The following TNS3 variants were observed in gnomAD, a reference collection of about 807,000 sequenced individuals.
The protein encoded by TNS3 is tensin 3.
In TNS3, 45 loss-of-function variants were observed where a neutral mutation model predicts 140.9. The observed-to-expected ratio is 0.32, with a 90% CI of 0.25 to 0.41. The LOEUF is 0.41. TNS3 is among the 10% of genes least tolerant of loss of function. The pLI is 1.00. For synonymous variants in TNS3, 815 were observed against 788.4 expected (o/e 1.03, Z -0.56); for missense variants, 1,716 against 1,906.7 (o/e 0.90, Z 1.86).
intron 4 of TNS3, among the ~76,000 whole-genome samples, chr7:47,445,430 T>C (rs1437600435): frequency 6.6e-6 from 1 of 152,206 alleles, no homozygotes; most frequent in African/African-American, 2.4e-5. Flanking sequence ...ACAGTTAAGC[T>C]GCAGTAGCAC....
chr7:47,388,210 C>G (rs1792183036), intron 16 of TNS3, among the ~76,000 whole-genome samples: 1 of 152,032 alleles, frequency 6.6e-6, no homozygotes, highest in Non-Finnish European at 1.5e-5. Flanking sequence ...GAATAAGGAC[C>G]AAACCCTCAT....
At chr7:47,401,493 G>T (rs1421500276) in intron 13 of TNS3, among the ~76,000 whole-genome samples, 2 of 152,340 alleles carry the variant, frequency 1.3e-5, no homozygotes, top group African/African-American at 4.8e-5. Context: ...GACAGAGAGG[G>T]TGTTGGCATT....
intron 24 of TNS3, among the ~76,000 whole-genome samples, chr7:47,294,614 G>A (rs750882488): frequency 6.6e-5 from 10 of 152,162 alleles, no homozygotes; most frequent in Non-Finnish European, 1.2e-4. Flanking sequence ...TAATATTTCT[G>A]GTGTTGGAAA....
At chr7:47,321,227 G>A (rs936046742) in intron 20 of TNS3, among the ~76,000 whole-genome samples, 17 of 152,164 alleles carry the variant, frequency 1.1e-4, no homozygotes, top group East Asian at 3.9e-4. Flanking sequence ...TAAGGTTTCC[G>A]ATTCATACCA....
At chr7:47,284,945 C>T (rs758030903) in intron 27 of TNS3, among the ~76,000 whole-genome samples, 1 of 152,240 alleles carries the variant, frequency 6.6e-6, no homozygotes, top group Non-Finnish European at 1.5e-5. Flanking sequence ...GCCTTTAAGT[C>T]TGACTTTTCA....
chr7:47,411,981 G>T (rs1186260081), intron 12 of TNS3, among the ~76,000 whole-genome samples, 179 bp from the exon 13 acceptor site: 3 of 152,126 alleles, frequency 2.0e-5, no homozygotes, highest in Non-Finnish European at 4.4e-5. Context: ...AAGCTCCCAG[G>T]CCATGGAGGG....
intron 28 of TNS3, among the ~76,000 whole-genome samples, chr7:47,281,193 C>T (rs991210957): frequency 6.6e-6 from 1 of 152,236 alleles, no homozygotes; most frequent in Non-Finnish European, 1.5e-5. Context: ...TAAGGAAGGA[C>T]TCCACATGGT....
intron 2 of TNS3, among the ~76,000 whole-genome samples, chr7:47,513,701 G>A (rs1798683039): frequency 6.6e-6 from 1 of 152,230 alleles, no homozygotes. Flanking sequence ...GACATTCCAT[G>A]CAAGTAGGCT....
intron 4 of TNS3, among the ~76,000 whole-genome samples, chr7:47,476,782 A>G (rs1007075421): frequency 6.6e-6 from 1 of 152,212 alleles, no homozygotes; most frequent in African/African-American, 2.4e-5. Flanking sequence ...ACTGGCTCCC[A>G]GGAAGCTCCA....
chr7:47,389,057 GA>G (rs1562674883), intron 16 of TNS3, among the ~76,000 whole-genome samples: 9 of 69,768 alleles, frequency 1.3e-4, no homozygotes, highest in South Asian at 7.7e-4. Context: ...AGAAGAAGAA[GA>G]AGAAGAAGAA....
intron 16 of TNS3, among the ~76,000 whole-genome samples, chr7:47,389,766 T>G (rs923750160): frequency 2.6e-5 from 4 of 152,244 alleles, no homozygotes; most frequent in African/African-American, 4.8e-5. Flanking sequence ...CTGTTTGGTC[T>G]GCGATCACGC....
chr7:47,501,501 C>T (rs1017059758), intron 3 of TNS3, among the ~76,000 whole-genome samples: 1 of 152,114 alleles, frequency 6.6e-6, no homozygotes, highest in East Asian at 1.9e-4. Context: ...CTGAGCAGAG[C>T]GGAGCTGGCT....
chr7:47,437,757 C>T (rs1206398657), intron 6 of TNS3, among the ~76,000 whole-genome samples: 1 of 131,392 alleles, frequency 7.6e-6, no homozygotes, highest in East Asian at 2.3e-4. Flanking sequence ...CACACACACA[C>T]ACACACACAC....
intron 17 of TNS3, among the ~76,000 whole-genome samples, chr7:47,355,024 C>A (rs768610727): frequency 6.6e-6 from 1 of 152,012 alleles, no homozygotes; most frequent in Non-Finnish European, 1.5e-5. Context: ...GGGACACATG[C>A]CCCAAAGTCC....
At chr7:47,357,182 CA>C (rs1163291414) in intron 17 of TNS3, among the ~76,000 whole-genome samples, 2 of 152,180 alleles carry the variant, frequency 1.3e-5, no homozygotes, top group Non-Finnish European at 2.9e-5. Flanking sequence ...TGCCTTCTTT[CA>C]TTTTCTATCT....
chr7:47,386,737 A>C (rs1792096480), intron 16 of TNS3, among the ~76,000 whole-genome samples: 1 of 152,246 alleles, frequency 6.6e-6, no homozygotes. Context: ...TCATCCCCAA[A>C]GTAGGTCAGA....
At chr7:47,337,250 T>C (rs1788684811) in intron 20 of TNS3, among the ~76,000 whole-genome samples, 1 of 152,236 alleles carries the variant, frequency 6.6e-6, no homozygotes, top group Non-Finnish European at 1.5e-5. Context: ...CTTTCTCCTG[T>C]TGCAATAATC....
chr7:47,385,341 G>A (rs989721698), intron 16 of TNS3, among the ~76,000 whole-genome samples: 6 of 152,198 alleles, frequency 3.9e-5, no homozygotes, highest in African/African-American at 1.2e-4. Context: ...CTGCATGCTC[G>A]GAAGGTTGTG....
At chr7:47,533,429 C>CTTTTT (rs1554350879) in intron 1 of TNS3, among the ~76,000 whole-genome samples, 1 of 144,102 alleles carries the variant, frequency 6.9e-6, no homozygotes, top group African/African-American at 2.6e-5. Flanking sequence ...CGCACCTGGC[C>CTTTTT]TTTTTTTTTT....
Sources: gnomAD v4.1 joint callset for allele counts (sites outside exome capture counted in the v4.1 genomes callset) on GRCh38, gnomAD v4.1.1 for gene constraint, MANE v1.5 for transcripts, NCBI Gene and HGNC (gene_info 2026-07-23, HGNC 2026-07-21) for gene names.